ZNF292: variants seen among roughly 807,000 people sequenced by gnomAD.
The protein encoded by ZNF292 is zinc finger protein 292.
A neutral mutation model predicts 217.9 loss-of-function variants in ZNF292; 26 were observed. The observed-to-expected ratio is 0.12, with a 90% CI of 0.09 to 0.17. The LOEUF is 0.17. Among genes scored for constraint, ZNF292 ranks in the 10% least tolerant of loss-of-function variants. ZNF292 has a pLI of 1.00. For missense variants in ZNF292, 2,904 were observed against 3,175.2 expected (o/e 0.91, Z 2.05); for synonymous variants, 1,257 against 1,124.1 (o/e 1.12, Z -2.37).
At chr6:87,159,040 C>G (rs1213410359) in intron 1 of ZNF292, among the ~76,000 whole-genome samples, 1 of 152,080 alleles carries the variant, frequency 6.6e-6, no homozygotes, top group Non-Finnish European at 1.5e-5. Flanking sequence ...AGTTTACATT[C>G]TATGTAATTT....
At chr6:87,187,070 A>G (rs1418510472) in intron 1 of ZNF292, among the ~76,000 whole-genome samples, 1 of 152,154 alleles carries the variant, frequency 6.6e-6, no homozygotes, top group Non-Finnish European at 1.5e-5. Flanking sequence ...CTAGTAAATT[A>G]ATTTTTTCCT....
intron 5 of ZNF292, among the ~76,000 whole-genome samples, chr6:87,235,568 T>TAA (rs113755775): frequency 3.7e-4 from 53 of 143,548 alleles, no homozygotes; most frequent in East Asian, 1.6e-3. Flanking sequence ...AAAAATCTAG[T>TAA]AAAAAAAAAA....
At chr6:87,184,430 T>C (rs1284981206) in intron 1 of ZNF292, among the ~76,000 whole-genome samples, 1 of 151,976 alleles carries the variant, frequency 6.6e-6, no homozygotes, top group Non-Finnish European at 1.5e-5. Flanking sequence ...ACTTCTGTCT[T>C]TCACCATTAA....
In ZNF292 at chr6:87,218,709, G is replaced by C; in HGVS notation, c.516G>C (p.Gln172His). ...KNPVLCTILSQEPLDKDKVNE... is the reference protein window; with the variant it reads ...KNPVLCTILSHEPLDKDKVNE... ...CGGTACTGTGCACTATTCTTTCCCAGGAACCATTGGATAAGGATAAAGGTA... is the reference window on the plus strand; with the variant it reads ...CGGTACTGTGCACTATTCTTTCCCACGAACCATTGGATAAGGATAAAGGTA... The change falls in exon 4 of 8, where the codon CAG becomes CAC. Residue 172 changes from glutamine (Q) to histidine (H), a missense_variant. Coordinates refer to ENST00000369577, the MANE Select transcript of ZNF292 (RefSeq NM_015021.3). 1 of 1,589,692 alleles carries C rather than the reference G, an allele frequency of 6.3e-7. No individual in the cohort carries two copies. The highest frequency in any genetic ancestry group is 8.5e-7 in the Non-Finnish European group (1 of 1,170,594).
intron 7 of ZNF292, among the ~76,000 whole-genome samples, chr6:87,252,923 T>G (rs755968221): frequency 6.6e-6 from 1 of 152,106 alleles, no homozygotes; most frequent in Non-Finnish European, 1.5e-5. Flanking sequence ...TTATTATTTT[T>G]AAGAGACAGG....
chr6:87,230,073 G>T (rs1047065759), intron 4 of ZNF292, among the ~76,000 whole-genome samples: 8 of 152,206 alleles, frequency 5.3e-5, no homozygotes, highest in African/African-American at 1.4e-4. Flanking sequence ...ATTGATGTCT[G>T]GGTGAAAAGG....
Position 87,255,002 on chromosome 6 carries a change from C to G in ZNF292, c.1373C>G (p.Ala458Gly). ...AAAACCTTGAAACGACAATGTCTTGCATTAATGGGAGAAGAAGCATCCATT... is the reference window on the plus strand; with the variant it reads ...AAAACCTTGAAACGACAATGTCTTGGATTAATGGGAGAAGAAGCATCCATT... ...DWKTLKRQCL[A>G]LMGEEASIVS... Residue 458 changes from alanine (A) to glycine (G), a missense_variant, in exon 8 of 8, where the codon GCA becomes GGA. Physicochemically the swap from Ala to Gly is moderately conservative, Grantham distance 60. This residue lies in a region of ZNF292 where 15 missense variants were observed against 46.8 expected (regional missense o/e 0.32). Coordinates refer to ENST00000369577, the MANE Select transcript of ZNF292 (RefSeq NM_015021.3). 6.2e-7 allele frequency: 1 copy of G among 1,613,766 alleles called. No homozygotes were observed. The highest frequency in any genetic ancestry group is 1.1e-5 in the South Asian group (1 of 91,084).
chr6:87,192,844 C>T (rs1771858144), intron 1 of ZNF292, among the ~76,000 whole-genome samples: 1 of 152,144 alleles, frequency 6.6e-6, no homozygotes, highest in Admixed American at 6.6e-5. Context: ...TTGCATTGCA[C>T]GTCCCTGTAT....
In ZNF292 at chr6:87,248,487, G is replaced by C. The variant is rs147710230; in HGVS notation, c.1020+2843G>C. 9.1e-4 allele frequency among the ~76,000 whole-genome samples: 138 copies of C among 152,242 alleles called. 2 individuals carry two copies. The East Asian group carries it at 0.02, about 22-fold the overall frequency. ...GCTGGGCATGGGAGTGCACGCCTGA[G>C]TCCCAGGCTAGTTGGGAAGCTGAGG... is the stretch of plus-strand genomic sequence containing the variant. On this transcript the variant is annotated intron_variant, in intron 7 of 7. Coordinates refer to ENST00000369577, the MANE Select transcript of ZNF292 (RefSeq NM_015021.3).
intron 1 of ZNF292, among the ~76,000 whole-genome samples, chr6:87,183,858 A>G (rs983239634): frequency 1.1e-4 from 17 of 152,210 alleles, no homozygotes; most frequent in Non-Finnish European, 1.5e-4. Context: ...AGTCATCTCA[A>G]ATACCATGAT....
chr6:87,236,553 A>G (rs1773915319), intron 5 of ZNF292, among the ~76,000 whole-genome samples: 1 of 152,176 alleles, frequency 6.6e-6, no homozygotes, highest in South Asian at 2.1e-4. Context: ...AGCAGTGTCT[A>G]GTTTAGATCC....
intron 1 of ZNF292, among the ~76,000 whole-genome samples, chr6:87,164,801 C>T (rs1408603877): frequency 2.9e-5 from 4 of 138,704 alleles, no homozygotes; most frequent in Non-Finnish European, 6.1e-5. Flanking sequence ...CTTGCTCTGT[C>T]GCACAGGCTG....
intron 1 of ZNF292, among the ~76,000 whole-genome samples, chr6:87,163,072 C>A (rs888207973): frequency 2.4e-4 from 36 of 152,222 alleles, no homozygotes; most frequent in Non-Finnish European, 1.5e-5. Flanking sequence ...AAAATGTTAC[C>A]TTTTCCCCCT....
chr6:87,261,034 T>C lies in ZNF292; in HGVS notation c.7405T>C (p.Ser2469Pro). 6.2e-7 allele frequency: 1 copy of C among 1,603,448 alleles called. No individual in the cohort carries two copies. The change falls in exon 8 of 8, where the codon TCA becomes CCA. Residue 2469 changes from serine (S) to proline (P), a missense_variant. This residue lies in a region of ZNF292 where 380 missense variants were observed against 355.3 expected (regional missense o/e 1.07). Transcript: ENST00000369577. Reference protein sequence around the residue: ...NDNSRTTATVSQKEVEKNEKD... With the variant: ...NDNSRTTATVPQKEVEKNEKD... ...TAATTCAAGAACAACAGCTACAGTT[T>C]CACAAAAGGAAGTTGAAAAAAATGA...
intron 1 of ZNF292, among the ~76,000 whole-genome samples, chr6:87,207,512 A>G (rs1486142062): frequency 6.6e-6 from 1 of 152,114 alleles, no homozygotes; most frequent in Non-Finnish European, 1.5e-5. Flanking sequence ...TTATTCAAAG[A>G]ATGTGGAAAA....
At chr6:87,160,513 G>GTGTGTA (rs377563820) in intron 1 of ZNF292, among the ~76,000 whole-genome samples, 1,606 of 148,642 alleles carry the variant, frequency 0.011, 25 homozygotes, top group African/African-American at 0.036. Flanking sequence ...GTGTGTGTGT[G>GTGTGTA]TATATATATG....
intron 6 of ZNF292, 75 bp from the exon 7 acceptor site, chr6:87,245,428 G>T: frequency 8.9e-7 from 1 of 1,118,518 alleles, no homozygotes; most frequent in Middle Eastern, 2.8e-4. Flanking sequence ...AATTTCAAAT[G>T]TAATGACTGG....
intron 1 of ZNF292, among the ~76,000 whole-genome samples, chr6:87,160,491 A>ATGTGTGTGTGTGTG (rs1260142601): frequency 1.4e-5 from 2 of 146,324 alleles, no homozygotes; most frequent in African/African-American, 5.1e-5. Flanking sequence ...TTGTATATAT[A>ATGTGTGTGTGTGTG]TGTGTGTGTG....
intron 1 of ZNF292, among the ~76,000 whole-genome samples, chr6:87,214,499 G>T (rs1772644082): frequency 6.6e-6 from 1 of 152,080 alleles, no homozygotes; most frequent in South Asian, 2.1e-4. Flanking sequence ...GTTCATCTGG[G>T]AAAGATTGCA....
Sources: gnomAD v4.1 joint callset for allele counts (sites outside exome capture counted in the v4.1 genomes callset) on GRCh38, gnomAD v4.1.1 for gene constraint, gnomAD v4.1.1 regional missense constraint, MANE v1.5 for transcripts, NCBI Gene and HGNC (gene_info 2026-07-23, HGNC 2026-07-21) for gene names.